The following L3MBTL4 variants were observed in gnomAD, a reference collection of about 807,000 sequenced individuals.
The protein encoded by L3MBTL4 is lethal(3)malignant brain tumor-like protein 4.
Under a neutral mutation model 84.5 loss-of-function variants are expected in L3MBTL4, and 70 were observed. The observed-to-expected ratio is 0.83, with a 90% CI of 0.68 to 1.01. The LOEUF (loss-of-function observed/expected upper bound fraction) is 1.01, where lower values mean the gene tolerates loss of function less well. Ranked by LOEUF, L3MBTL4 falls within the 50% of genes least tolerant of loss-of-function variation. The pLI is 0.00. For missense variants in L3MBTL4, 715 were observed against 754.8 expected, an observed-to-expected ratio of 0.95 and a Z score of 0.62; for synonymous variants, 274 against 259.8, an observed-to-expected ratio of 1.05 and a Z score of -0.52.
At chr18:6,340,581 A>C (rs2052558671) in intron 1 of L3MBTL4, among the ~76,000 whole-genome samples, 1 of 152,160 alleles carries the variant, frequency 6.6e-6, no homozygotes, top group African/African-American at 2.4e-5. Flanking sequence ...AGCATGGCAA[A>C]GGGGCAGGGG....
intron 14 of L3MBTL4, among the ~76,000 whole-genome samples, chr18:6,132,487 T>G (rs1426672465): frequency 6.6e-6 from 1 of 152,226 alleles, no homozygotes; most frequent in Non-Finnish European, 1.5e-5. Flanking sequence ...GTGTGAGGCC[T>G]GGAGACAGGA....
At chr18:6,144,151 A>G (rs978890834) in intron 13 of L3MBTL4, among the ~76,000 whole-genome samples, 9 of 145,456 alleles carry the variant, frequency 6.2e-5, no homozygotes, top group African/African-American at 2.3e-4. Flanking sequence ...AGCTGAGATC[A>G]CACCACTGCA....
At chr18:6,395,034 C>T (rs1253716174) in intron 1 of L3MBTL4, 2 of 152,014 alleles carry the variant, frequency 1.3e-5, no homozygotes, top group Non-Finnish European at 2.9e-5. Flanking sequence ...TATCTTGTTC[C>T]GTTACTTCAT....
intron 10 of L3MBTL4, 43 bp downstream of exon 10, chr18:6,237,921 C>G (rs2047283435): frequency 1.4e-6 from 2 of 1,462,652 alleles, no homozygotes; most frequent in Non-Finnish European, 9.6e-7. Context: ...GACTGCCACT[C>G]ACACAGAGAT....
At chr18:5,964,092 G>A (rs1014224708) in intron 17 of L3MBTL4, among the ~76,000 whole-genome samples, 2 of 152,254 alleles carry the variant, frequency 1.3e-5, no homozygotes, top group Admixed American at 6.5e-5. Context: ...GGCTCTGGGA[G>A]GTGTCCCCCA....
chr18:5,992,903 G>A (rs1567958766), intron 16 of L3MBTL4, among the ~76,000 whole-genome samples: 1 of 152,260 alleles, frequency 6.6e-6, no homozygotes, highest in East Asian at 1.9e-4. Context: ...TCAGTCTCTG[G>A]TATTTCCTAG....
At chr18:6,093,226 C>A (rs757905004) in intron 15 of L3MBTL4, 129 bp downstream of exon 15, 2 of 727,710 alleles carry the variant, frequency 2.7e-6, no homozygotes, top group South Asian at 5.1e-5. Flanking sequence ...CCCAGCGAAC[C>A]TAATAATATC....
At chr18:6,338,004 A>G (rs2052426317) in intron 1 of L3MBTL4, among the ~76,000 whole-genome samples, 1 of 152,172 alleles carries the variant, frequency 6.6e-6, no homozygotes. Context: ...TGGCCTTGTT[A>G]AAGTGTTTTA....
At chr18:6,340,252 C>A (rs1599701265) in intron 1 of L3MBTL4, among the ~76,000 whole-genome samples, 1 of 152,260 alleles carries the variant, frequency 6.6e-6, no homozygotes, top group East Asian at 1.9e-4. Flanking sequence ...TATCCACAAA[C>A]AAAAATAACT....
intron 11 of L3MBTL4, among the ~76,000 whole-genome samples, chr18:6,215,483 T>G (rs2046285798): frequency 6.6e-6 from 1 of 152,162 alleles, no homozygotes; most frequent in Non-Finnish European, 1.5e-5. Context: ...AAGGAATGGA[T>G]CATCAGCAGT....
intron 14 of L3MBTL4, among the ~76,000 whole-genome samples, chr18:6,124,829 G>T (rs1022762260): frequency 6.6e-6 from 1 of 152,048 alleles, no homozygotes; most frequent in Non-Finnish European, 1.5e-5. Flanking sequence ...TTTTAAATAT[G>T]ATTGAAAAAA....
chr18:6,034,115 A>G (rs931845224), intron 16 of L3MBTL4, among the ~76,000 whole-genome samples: 1 of 151,776 alleles, frequency 6.6e-6, no homozygotes, highest in Admixed American at 6.6e-5. Flanking sequence ...AGTTTTGTTT[A>G]TAAGGGAATG....
chr18:6,161,153 T>C (rs1315746856), intron 13 of L3MBTL4, among the ~76,000 whole-genome samples: 1 of 152,230 alleles, frequency 6.6e-6, no homozygotes, highest in Non-Finnish European at 1.5e-5. Flanking sequence ...GTTTCAATTC[T>C]AACTGTAGGA....
intron 5 of L3MBTL4, chr18:6,259,681 A>G (rs1446099623): frequency 1.3e-5 from 2 of 151,780 alleles, no homozygotes; most frequent in Non-Finnish European, 2.9e-5. Flanking sequence ...GATTCTGGAT[A>G]TATTAGATCT....
intron 12 of L3MBTL4, among the ~76,000 whole-genome samples, chr18:6,185,832 C>A (rs1050439801): frequency 6.6e-6 from 1 of 152,090 alleles, no homozygotes; most frequent in Non-Finnish European, 1.5e-5. Flanking sequence ...GCTGAGGCTG[C>A]CAAATAGACA....
At chr18:6,226,200 A>C (rs1209488247) in intron 10 of L3MBTL4, among the ~76,000 whole-genome samples, 3 of 152,160 alleles carry the variant, frequency 2.0e-5, no homozygotes, top group Non-Finnish European at 2.9e-5. Flanking sequence ...TGACGTCAGG[A>C]GTTTGAGACC....
chr18:6,263,983 C>A lies in L3MBTL4; in HGVS notation c.183G>T (p.Gln61His), dbSNP rs775505258. Residue 61 changes from glutamine to histidine, a missense_variant, in exon 5 of 19, where the codon CAG becomes CAT. By Grantham distance (24) the Gln-to-His change is conservative (BLOSUM62 0). Transcript: ENST00000317931. ...GCTCAACAGGTGCTGCGACAGCCTT[C>A]TGTTCTTTCAAGTACCACTCCCAAG... is the stretch of plus-strand genomic sequence containing the variant. ...AWSWEWYLKE[Q>H]KAVAAPVELF... 2.5e-6 allele frequency: 4 copies of A among 1,614,120 alleles called. No individual in the cohort carries two copies. In the South Asian group the frequency reaches 3.3e-5, roughly 13 times the overall value.
intron 15 of L3MBTL4, among the ~76,000 whole-genome samples, chr18:6,086,756 C>A (rs2058272862): frequency 6.6e-6 from 1 of 152,168 alleles, no homozygotes; most frequent in South Asian, 2.1e-4. Context: ...CACCTGTCAA[C>A]CAACTGTGAT....
At chr18:6,059,486 T>C (rs2057134766) in intron 16 of L3MBTL4, among the ~76,000 whole-genome samples, 1 of 152,236 alleles carries the variant, frequency 6.6e-6, no homozygotes. Context: ...ACCAAAGTCT[T>C]GTATTCCAGC....
Sources: allele counts gnomAD v4.1 joint callset (sites outside exome capture counted in the v4.1 genomes callset), GRCh38; gene constraint gnomAD v4.1.1; transcripts MANE v1.5; gene names NCBI Gene and HGNC (gene_info 2026-07-23, HGNC 2026-07-21).